GRIA1: variants seen among roughly 807,000 people sequenced by gnomAD.
GRIA1 encodes glutamate receptor 1.
In GRIA1, 31 loss-of-function variants were observed where a neutral mutation model predicts 99.2. That is an observed-to-expected ratio of 0.31 (90% CI 0.23 to 0.42). The LOEUF (loss-of-function observed/expected upper bound fraction) is 0.42, where lower values mean the gene tolerates loss of function less well. Ranked by LOEUF, GRIA1 falls within the 10% of genes least tolerant of loss-of-function variation. The pLI, the probability that GRIA1 is intolerant of heterozygous loss-of-function variation, is 1.00. For synonymous variants in GRIA1, 438 were observed against 432.4 expected (o/e 1.01, Z -0.16); for missense variants, 782 against 1,157.5 (o/e 0.68, Z 4.71).
chr5:153,790,906 G>T lies in GRIA1; in HGVS notation c.2271-3715G>T, dbSNP rs565039257. Among the ~76,000 whole-genome samples the T allele has an allele frequency of 5.9e-5, 9 of 152,220 alleles. No homozygotes were observed. In the South Asian group the frequency reaches 1.9e-3, roughly 32 times the overall value. On this transcript the variant is annotated intron_variant, in intron 13 of 15. Transcript: ENST00000285900. ...ATTTTCCAAGGTTCCTGGCCTTGGAGCCTTTATATTTTATAAAGGAAATAT... is the reference window on the plus strand; with the variant it reads ...ATTTTCCAAGGTTCCTGGCCTTGGATCCTTTATATTTTATAAAGGAAATAT...
At chr5:153,805,356 G>A (rs1581687339) in intron 15 of GRIA1, among the ~76,000 whole-genome samples, 1 of 152,288 alleles carries the variant, frequency 6.6e-6, no homozygotes, top group East Asian at 1.9e-4. Flanking sequence ...CACACACTGA[G>A]AGTAAGTATT....
intron 2 of GRIA1, among the ~76,000 whole-genome samples, chr5:153,501,560 A>T (rs577228481): frequency 1.3e-5 from 2 of 152,318 alleles, no homozygotes; most frequent in East Asian, 1.9e-4. Flanking sequence ...GAAGGGTTTT[A>T]AGCAGAGAAG....
chr5:153,779,231 A>G (rs904993209), intron 13 of GRIA1, among the ~76,000 whole-genome samples: 9 of 152,338 alleles, frequency 5.9e-5, no homozygotes, highest in East Asian at 1.9e-4. Context: ...TTAAAAAACT[A>G]AGATTCAGAG....
At chr5:153,622,258 T>G (rs1873908) in intron 2 of GRIA1, among the ~76,000 whole-genome samples, 33,805 of 152,148 alleles carry the variant, frequency 0.22, 4,307 homozygotes, top group Non-Finnish European at 0.3. Context: ...CCATAAGTGA[T>G]TATCCTTGGA....
intron 2 of GRIA1, among the ~76,000 whole-genome samples, chr5:153,626,495 G>T (rs1231734268): frequency 1.4e-5 from 2 of 143,636 alleles, no homozygotes; most frequent in Non-Finnish European, 3.1e-5. Flanking sequence ...TGTATGTGTT[G>T]TGCTGTTGAA....
chr5:153,668,030 T>G (rs749403247), intron 5 of GRIA1, among the ~76,000 whole-genome samples: 9 of 152,212 alleles, frequency 5.9e-5, no homozygotes, highest in Non-Finnish European at 1.0e-4. Context: ...ACAGTGGATA[T>G]AGAGAGGAGA....
intron 11 of GRIA1, among the ~76,000 whole-genome samples, chr5:153,760,120 C>T (rs997373535): frequency 1.3e-5 from 2 of 151,940 alleles, no homozygotes; most frequent in African/African-American, 4.8e-5. Context: ...AAGCTTTTCC[C>T]CTAAGATATG....
intron 11 of GRIA1, among the ~76,000 whole-genome samples, chr5:153,710,225 C>CA (rs35534347): frequency 0.4 from 55,589 of 138,948 alleles, 10,558 homozygotes; most frequent in South Asian, 0.52. Flanking sequence ...GCTTCTTGTT[C>CA]AAAAAAAAAA....
At chr5:153,580,314 C>T (rs1762936200) in intron 2 of GRIA1, among the ~76,000 whole-genome samples, 1 of 152,184 alleles carries the variant, frequency 6.6e-6, no homozygotes, top group Non-Finnish European at 1.5e-5. Context: ...TTTTCCCTAG[C>T]CCTCTCTTGC....
At chr5:153,742,761 GTCT>G (rs1286163376) in intron 11 of GRIA1, among the ~76,000 whole-genome samples, 23 of 152,222 alleles carry the variant, frequency 1.5e-4, no homozygotes, top group African/African-American at 5.1e-4. Flanking sequence ...TCTTTCCTAT[GTCT>G]TCTTCTGTCT....
chr5:153,761,113 G>A (rs1763157218), intron 11 of GRIA1, among the ~76,000 whole-genome samples: 2 of 152,036 alleles, frequency 1.3e-5, no homozygotes, highest in African/African-American at 4.8e-5. Context: ...ATAGTGGTCT[G>A]GGCAAGGATT....
rs146779653 is a variant in GRIA1, at chr5:153,778,331, G to A, written c.2270+7916G>A. Among the ~76,000 whole-genome samples, 923 of 152,114 alleles carry A rather than the reference G, an allele frequency of 6.1e-3. 10 individuals carry two copies. The highest frequency in any genetic ancestry group is 0.021 in the African/African-American group (870 of 41,498). On this transcript the variant is annotated intron_variant, in intron 13 of 15. Transcript: ENST00000285900. ...AGAAAGCTTCCTAAGAGACTGGTGC[G>A]CTAGTCCGGTGCAAAAGTCCAGACA...
At chr5:153,760,491 T>TA (rs1258227505) in intron 11 of GRIA1, among the ~76,000 whole-genome samples, 2 of 151,858 alleles carry the variant, frequency 1.3e-5, no homozygotes, top group African/African-American at 4.8e-5. Flanking sequence ...ATTTCTGTGG[T>TA]AAAAACTATA....
intron 14 of GRIA1, among the ~76,000 whole-genome samples, chr5:153,799,963 G>A (rs1471698989): frequency 1.3e-5 from 2 of 152,090 alleles, no homozygotes; most frequent in African/African-American, 2.4e-5. Context: ...AACCAGGGAG[G>A]CAGATACCCT....
At chr5:153,500,655 A>T (rs1241785005) in intron 2 of GRIA1, among the ~76,000 whole-genome samples, 1 of 129,898 alleles carries the variant, frequency 7.7e-6, no homozygotes, top group Non-Finnish European at 1.7e-5. Flanking sequence ...ACACACACAC[A>T]TTCAGAGGAA....
intron 11 of GRIA1, among the ~76,000 whole-genome samples, chr5:153,752,726 C>A (rs1340818979): frequency 1.3e-5 from 2 of 152,170 alleles, no homozygotes; most frequent in Non-Finnish European, 2.9e-5. Flanking sequence ...TAGTATGGTA[C>A]TCACAATCCT....
chr5:153,503,770 C>T (rs1382528248), intron 2 of GRIA1, among the ~76,000 whole-genome samples: 1 of 152,138 alleles, frequency 6.6e-6, no homozygotes, highest in Non-Finnish European at 1.5e-5. Flanking sequence ...GGGGAAAGCC[C>T]ATTTGAGCAG....
chr5:153,664,115 C>A (rs1434582698), intron 5 of GRIA1, among the ~76,000 whole-genome samples: 1 of 152,136 alleles, frequency 6.6e-6, no homozygotes, highest in Non-Finnish European at 1.5e-5. Context: ...GTCCTTGTTT[C>A]CTTACCTATC....
chr5:153,786,265 G>A (rs1051678015), intron 13 of GRIA1, among the ~76,000 whole-genome samples: 1 of 151,972 alleles, frequency 6.6e-6, no homozygotes, highest in Non-Finnish European at 1.5e-5. Flanking sequence ...GACTCTGTCA[G>A]CTGTTCTAAC....
Sources: allele counts gnomAD v4.1 joint callset (sites outside exome capture counted in the v4.1 genomes callset), GRCh38; gene constraint gnomAD v4.1.1; transcripts MANE v1.5; gene names NCBI Gene and HGNC (gene_info 2026-07-23, HGNC 2026-07-21).